FBXL17: variants seen among roughly 807,000 people sequenced by gnomAD.
FBXL17 encodes the protein F-box/LRR-repeat protein 17.
Under a neutral mutation model 66.2 loss-of-function variants are expected in FBXL17, and 22 were observed. The ratio of observed to expected loss-of-function variants is 0.33; its 90% CI spans 0.24 to 0.47. The LOEUF (loss-of-function observed/expected upper bound fraction) is 0.47. FBXL17 is among the 20% of genes least tolerant of loss of function. FBXL17 has a pLI of 1.00. For missense variants in FBXL17, 878 were observed against 948.2 expected, an observed-to-expected ratio of 0.93 and a Z score of 0.97; for synonymous variants, 474 against 400.5, an observed-to-expected ratio of 1.18 and a Z score of -2.19.
intron 6 of FBXL17, among the ~76,000 whole-genome samples, chr5:108,099,252 A>G (rs578081910): frequency 1.3e-5 from 2 of 152,348 alleles, no homozygotes; most frequent in East Asian, 3.9e-4. Context: ...AAAATAGCTG[A>G]TAATGTGATA....
intron 5 of FBXL17, among the ~76,000 whole-genome samples, chr5:108,208,662 T>C (rs1038809802): frequency 6.6e-6 from 1 of 152,188 alleles, no homozygotes; most frequent in South Asian, 2.1e-4. Flanking sequence ...TCTGTTCCAC[T>C]GGTCTATGTA....
At chr5:108,336,705 AT>A (rs1760398704) in intron 4 of FBXL17, among the ~76,000 whole-genome samples, 1 of 152,154 alleles carries the variant, frequency 6.6e-6, no homozygotes, top group Non-Finnish European at 1.5e-5. Flanking sequence ...AATCTACCTA[AT>A]TCTTAAAAAG....
At chr5:108,269,864 C>G (rs1427578343) in intron 4 of FBXL17, among the ~76,000 whole-genome samples, 4 of 152,054 alleles carry the variant, frequency 2.6e-5, no homozygotes, top group African/African-American at 9.7e-5. Context: ...AGTTACTTTA[C>G]TACTTGAAAC....
intron 6 of FBXL17, among the ~76,000 whole-genome samples, chr5:108,178,514 T>A (rs1314843837): frequency 2.0e-5 from 3 of 152,348 alleles, no homozygotes; most frequent in Non-Finnish European, 4.4e-5. Context: ...AAGACTCCAT[T>A]CTGTTTCTAT....
chr5:108,318,345 A>T (rs1311632887), intron 4 of FBXL17, among the ~76,000 whole-genome samples: 1 of 151,022 alleles, frequency 6.6e-6, no homozygotes, highest in Non-Finnish European at 1.5e-5. Context: ...GTATTTACTG[A>T]CCTCCTATTA....
intron 4 of FBXL17, among the ~76,000 whole-genome samples, chr5:108,234,826 A>G (rs1166321814): frequency 6.6e-6 from 1 of 152,222 alleles, no homozygotes; most frequent in African/African-American, 2.4e-5. Flanking sequence ...CCATAAAAGT[A>G]GTAACTGGAA....
Position 108,322,835 on chromosome 5 carries a change from T to C in FBXL17, c.1506+25564A>G, listed in dbSNP as rs181878418. 5.3e-5 allele frequency among the ~76,000 whole-genome samples: 8 copies of C among 152,036 alleles called. No individual in the cohort carries two copies. The East Asian group carries it at 1.5e-3, about 29-fold the overall frequency. On this transcript the variant is annotated intron_variant, in intron 4 of 8. Transcript: ENST00000542267. ...GTCACTGAAAATGTTATTTGAGAAC[T>C]TACTGTATGCAAGACTCCTGGAAAA...
At chr5:108,373,289 A>G (rs1386651334) in intron 1 of FBXL17, among the ~76,000 whole-genome samples, 2 of 137,674 alleles carry the variant, frequency 1.5e-5, no homozygotes, top group African/African-American at 2.5e-5. Context: ...ATATATTAAT[A>G]TAAATATAAT....
At chr5:108,322,139 A>G (rs1312038523) in intron 4 of FBXL17, among the ~76,000 whole-genome samples, 1 of 151,924 alleles carries the variant, frequency 6.6e-6, no homozygotes, top group Non-Finnish European at 1.5e-5. Flanking sequence ...GCAATCTGGC[A>G]ATATCTACGA....
chr5:108,110,896 CTAAAA>C (rs371539081), intron 6 of FBXL17, among the ~76,000 whole-genome samples: 17 of 152,082 alleles, frequency 1.1e-4, no homozygotes, highest in Admixed American at 3.3e-4. Context: ...AGTGGTTAAA[CTAAAA>C]TATCATAATA....
chr5:108,354,739 G>GA (rs1032653163), intron 3 of FBXL17, among the ~76,000 whole-genome samples: 8 of 138,086 alleles, frequency 5.8e-5, no homozygotes, highest in Non-Finnish European at 8.0e-5. Context: ...AAAAAAAAAA[G>GA]AAAAAAAAAA....
chr5:108,318,149 A>G (rs1037660391), intron 4 of FBXL17, among the ~76,000 whole-genome samples: 1 of 151,734 alleles, frequency 6.6e-6, no homozygotes, highest in African/African-American at 2.4e-5. Flanking sequence ...ACCCATGTGC[A>G]CAACAAAGAT....
intron 7 of FBXL17, among the ~76,000 whole-genome samples, chr5:107,909,577 G>A (rs546270428): frequency 6.6e-6 from 1 of 152,128 alleles, no homozygotes; most frequent in Non-Finnish European, 1.5e-5. Context: ...TATTTCTTCA[G>A]CCTATCCTGC....
At chr5:108,143,758 A>C (rs541047005) in intron 6 of FBXL17, among the ~76,000 whole-genome samples, 1 of 149,360 alleles carries the variant, frequency 6.7e-6, no homozygotes, top group East Asian at 2.0e-4. Flanking sequence ...AAAGGACCCA[A>C]GACTGCATTC....
At chr5:108,202,495 T>C (rs1333740007) in intron 5 of FBXL17, among the ~76,000 whole-genome samples, 3 of 152,124 alleles carry the variant, frequency 2.0e-5, no homozygotes, top group Admixed American at 2.0e-4. Context: ...GCAGTAATAA[T>C]AAGGTAGAAG....
intron 3 of FBXL17, among the ~76,000 whole-genome samples, chr5:108,351,146 T>G (rs1747625741): frequency 6.6e-6 from 1 of 152,160 alleles, no homozygotes; most frequent in Non-Finnish European, 1.5e-5. Flanking sequence ...AAGACATTTA[T>G]TAATTCCAAT....
At chr5:108,104,330 C>T (rs145369652) in intron 6 of FBXL17, among the ~76,000 whole-genome samples, 1 of 152,188 alleles carries the variant, frequency 6.6e-6, no homozygotes, top group South Asian at 2.1e-4. Flanking sequence ...AGCCACCGTG[C>T]CCAGCCCTGC....
intron 7 of FBXL17, among the ~76,000 whole-genome samples, chr5:108,015,847 G>C (rs1299659057): frequency 6.6e-6 from 1 of 152,126 alleles, no homozygotes; most frequent in Non-Finnish European, 1.5e-5. Flanking sequence ...GCTGGGGTGA[G>C]GTGTGGGTTA....
intron 4 of FBXL17, among the ~76,000 whole-genome samples, chr5:108,318,478 C>A (rs887530147): frequency 2.3e-4 from 35 of 151,894 alleles, no homozygotes; most frequent in African/African-American, 8.2e-4. Context: ...AGTTCCTCAA[C>A]AACCAATATA....
Sources: gnomAD v4.1 joint callset for allele counts (sites outside exome capture counted in the v4.1 genomes callset) on GRCh38, gnomAD v4.1.1 for gene constraint, MANE v1.5 for transcripts, NCBI Gene and HGNC (gene_info 2026-07-23, HGNC 2026-07-21) for gene names.